Variants in CSMD1 observed in about 807,000 individuals in gnomAD.
The protein encoded by CSMD1 is CUB and sushi domain-containing protein 1.
A neutral mutation model predicts 417.5 loss-of-function variants in CSMD1; 213 were observed. The observed-to-expected ratio is 0.51, with a 90% CI of 0.46 to 0.57. CSMD1 has a LOEUF of 0.57. CSMD1 is among the 20% of genes least tolerant of loss of function. The probability of loss-of-function intolerance (pLI) is 0.00; values close to 1 mark genes in which losing one functional copy is unlikely to be tolerated. For synonymous variants in CSMD1, 2,862 were observed against 1,736.8 expected, an observed-to-expected ratio of 1.65 and a Z score of -16.11; for missense variants, 6,923 against 4,529.7, an observed-to-expected ratio of 1.53 and a Z score of -15.17.
intron 1 of CSMD1, among the ~76,000 whole-genome samples, chr8:4,693,642 T>A (rs369034972): frequency 6.6e-6 from 1 of 152,196 alleles, no homozygotes; most frequent in Non-Finnish European, 1.5e-5. Flanking sequence ...AAATGGGTGA[T>A]CTTTCATTTT....
At position 4,142,339 on chromosome 8, in the gene CSMD1, C is replaced by A. The variant is rs1035728093; in HGVS notation, c.416-110240G>T. On this transcript the variant is annotated intron_variant, in intron 3 of 69. Transcript: ENST00000635120. The stretch of plus-strand genomic sequence containing the variant: ...TTATCCACCTCATTAGCCTACTCTA[C>A]GAGGTTATGATATTTGGCTGTAGGC... Among the ~76,000 whole-genome samples, 4 of 151,018 alleles carry A rather than the reference C, an allele frequency of 2.6e-5. 1 individual carries two copies. The highest frequency in any genetic ancestry group is 9.9e-5 in the African/African-American group (4 of 40,380).
At chr8:3,685,430 G>A (rs1487371822) in intron 7 of CSMD1, among the ~76,000 whole-genome samples, 2 of 152,156 alleles carry the variant, frequency 1.3e-5, no homozygotes, top group African/African-American at 4.8e-5. Context: ...CTGAGATCAC[G>A]ATTACTGCCA....
chr8:4,993,398 C>T (rs1811583011), intron 1 of CSMD1, among the ~76,000 whole-genome samples: 1 of 152,216 alleles, frequency 6.6e-6, no homozygotes, highest in Non-Finnish European at 1.5e-5. Flanking sequence ...CTCTGTCTCT[C>T]TCCCTCTTTC....
In CSMD1 at chr8:3,293,585, C is replaced by T. The variant is rs148750206; in HGVS notation, c.3951-9239G>A. Among the ~76,000 whole-genome samples the T allele has an allele frequency of 1.8e-4, 27 of 152,188 alleles. No homozygotes were observed. In the East Asian group the frequency reaches 4.1e-3, roughly 23 times the overall value. ...GCTTCATTTCATTCATTTCATCTTC[C>T]ATCACTGATACCTTGTCTTCCTGTT... On this transcript the variant is annotated intron_variant, in intron 25 of 69. Transcript: ENST00000635120.
At chr8:3,322,215 G>A (rs1318424457) in intron 23 of CSMD1, among the ~76,000 whole-genome samples, 1 of 152,134 alleles carries the variant, frequency 6.6e-6, no homozygotes, top group Admixed American at 6.5e-5. Context: ...ATGAATAACA[G>A]CACAGATTTC....
chr8:3,750,777 G>C (rs140225335), intron 6 of CSMD1, among the ~76,000 whole-genome samples: 3 of 152,244 alleles, frequency 2.0e-5, no homozygotes, highest in East Asian at 1.9e-4. Flanking sequence ...ACTCTGAGAA[G>C]GGCCCATCTC....
At chr8:3,135,780 T>TTA (rs1330624608) in intron 41 of CSMD1, among the ~76,000 whole-genome samples, 1 of 152,230 alleles carries the variant, frequency 6.6e-6, no homozygotes, top group African/African-American at 2.4e-5. Context: ...GTGGCTGGAC[T>TTA]TAGACACAAG....
chr8:3,502,729 A>C lies in CSMD1; in HGVS notation c.1345-9003T>G, dbSNP rs941734123. 2.0e-5 allele frequency among the ~76,000 whole-genome samples: 3 copies of C among 152,196 alleles called. No individual in the cohort carries two copies. In the East Asian group the frequency reaches 5.8e-4, roughly 29 times the overall value. On this transcript the variant is annotated intron_variant, in intron 10 of 69. Transcript: ENST00000635120. ...AGAAGAGGGAGGGATGAAGAGCAGGAGCACAGAGGATTTTTAGGACAGTGA... is the reference window on the plus strand; with the variant it reads ...AGAAGAGGGAGGGATGAAGAGCAGGCGCACAGAGGATTTTTAGGACAGTGA...
intron 6 of CSMD1, among the ~76,000 whole-genome samples, chr8:3,718,116 G>T (rs147509381): frequency 6.6e-6 from 1 of 152,150 alleles, no homozygotes; most frequent in Non-Finnish European, 1.5e-5. Flanking sequence ...AAAATAATGC[G>T]CTATTGGATC....
rs35090952 is a variant in CSMD1 at position 3,182,578 on chromosome 8, CTGTGTGTGTGTGTGTGTGTGTGTG to C, written c.5621-1388_5621-1365del. ...ACTCTGGCTGTCTTTTTATAAGAAG[CTGTGTGTGTGTGTGTGTGTGTGTG>C]TGTGTGTGTGTGTGTGTGTGTGTGT... On this transcript the variant is annotated intron_variant, in intron 36 of 69. Transcript: ENST00000635120. Among the ~76,000 whole-genome samples the C allele has an allele frequency of 8.3e-3, 778 of 93,976 alleles. 27 individuals are homozygous for C. Among genetic ancestry groups the C allele is most frequent in the Middle Eastern group, 0.038 (6 of 158 alleles). 61.7% of individuals were successfully genotyped at this position (93,976 alleles called of 152,430 possible).
intron 12 of CSMD1, among the ~76,000 whole-genome samples, chr8:3,412,721 G>T (rs1004089111): frequency 1.3e-5 from 2 of 152,214 alleles, no homozygotes; most frequent in Non-Finnish European, 2.9e-5. Flanking sequence ...TGCAACACAA[G>T]CCAAATACAT....
chr8:4,094,763 G>A (rs944302229), intron 3 of CSMD1, among the ~76,000 whole-genome samples: 5 of 152,164 alleles, frequency 3.3e-5, no homozygotes, highest in Admixed American at 1.3e-4. Flanking sequence ...GAGGTGAGAT[G>A]CTGAGCTAAC....
At chr8:3,653,156 G>C (rs1234979352) in intron 7 of CSMD1, among the ~76,000 whole-genome samples, 1 of 151,504 alleles carries the variant, frequency 6.6e-6, no homozygotes, top group South Asian at 2.1e-4. Context: ...TTTTCAAGTT[G>C]CATATATTTT....
At chr8:4,675,828 A>G (rs1384447206) in intron 1 of CSMD1, among the ~76,000 whole-genome samples, 1 of 152,194 alleles carries the variant, frequency 6.6e-6, no homozygotes, top group Admixed American at 6.6e-5. Context: ...AAGGTACTCT[A>G]ATCATCACAT....
chr8:4,227,618 C>T (rs973549632), intron 3 of CSMD1, among the ~76,000 whole-genome samples: 1 of 152,072 alleles, frequency 6.6e-6, no homozygotes, highest in Non-Finnish European at 1.5e-5. Context: ...CACATTCAGT[C>T]AGACACTCGG....
chr8:3,260,234 G>C (rs1424517603), intron 26 of CSMD1, among the ~76,000 whole-genome samples: 2 of 151,954 alleles, frequency 1.3e-5, no homozygotes, highest in Non-Finnish European at 2.9e-5. Flanking sequence ...ATATAACTAG[G>C]TTATCATTTT....
At chr8:4,088,442 C>T (rs1383410126) in intron 3 of CSMD1, among the ~76,000 whole-genome samples, 1 of 152,214 alleles carries the variant, frequency 6.6e-6, no homozygotes. Context: ...ATTTCTCAGC[C>T]TCTGTCTCTC....
At chr8:4,719,795 T>A (rs1368894129) in intron 1 of CSMD1, among the ~76,000 whole-genome samples, 3 of 152,182 alleles carry the variant, frequency 2.0e-5, no homozygotes, top group African/African-American at 7.2e-5. Flanking sequence ...CTTTGAGAGC[T>A]TGAACTATTG....
intron 23 of CSMD1, among the ~76,000 whole-genome samples, chr8:3,329,089 G>A (rs555752256): frequency 1.3e-5 from 2 of 152,250 alleles, no homozygotes; most frequent in South Asian, 2.1e-4. Context: ...GTAGTTGAGG[G>A]AGAGAGAAGA....
Sources: gnomAD v4.1 joint callset for allele counts (sites outside exome capture counted in the v4.1 genomes callset) on GRCh38, gnomAD v4.1.1 for gene constraint, MANE v1.5 for transcripts, NCBI Gene and HGNC (gene_info 2026-07-23, HGNC 2026-07-21) for gene names.